ENPP3: variants seen among roughly 807,000 people sequenced by gnomAD.
ENPP3 encodes ectonucleotide pyrophosphatase/phosphodiesterase 3, also known as ectonucleotide pyrophosphatase/phosphodiesterase family member 3.
A neutral mutation model predicts 117.8 loss-of-function variants in ENPP3; 104 were observed. The ratio of observed to expected loss-of-function variants is 0.88; its 90% CI spans 0.75 to 1.04. The LOEUF (loss-of-function observed/expected upper bound fraction) is 1.04. Ranked by LOEUF, ENPP3 falls within the 50% of genes least tolerant of loss-of-function variation. ENPP3 has a pLI of 0.00. For synonymous variants in ENPP3, 380 were observed against 349.9 expected (o/e 1.09, Z -0.96); for missense variants, 1,026 against 1,051.9 (o/e 0.98, Z 0.34).
intron 2 of ENPP3, among the ~76,000 whole-genome samples, chr6:131,648,773 A>T (rs74496861): frequency 0.014 from 2,114 of 152,296 alleles, 44 homozygotes; most frequent in African/African-American, 0.046. Context: ...GGAATTATAG[A>T]TAATTTTCAA....
In ENPP3 at chr6:131,693,557, C is replaced by CA. The variant is rs1274315510; in HGVS notation, c.1346dup (p.His449GlnfsTer23). On this transcript the variant is annotated frameshift_variant, in exon 15 of 25. Coordinates refer to ENST00000357639, the MANE Select transcript of ENPP3 (RefSeq NM_005021.5). LOFTEE classifies it high-confidence loss of function. Reference sequence around the variant, plus strand: ...GACTCCTGATTTGCCAAAGCGACTGCACTATGCCAAGAACGTCAGAATCGA... The same window carrying CA: ...GACTCCTGATTTGCCAAAGCGACTGCAACTATGCCAAGAACGTCAGAATCGA... 6.2e-7 allele frequency: 1 copy of CA among 1,613,712 alleles called. No homozygotes were observed. Among genetic ancestry groups the CA allele is most frequent in the Non-Finnish European group, 8.5e-7 (1 of 1,179,836 alleles).
In ENPP3 at chr6:131,726,090, G is replaced by T; in HGVS notation, c.1843G>T (p.Val615Leu). Reference protein sequence around the residue: ...KVNLPFGRPRVLQKNVDHCLL... With the variant: ...KVNLPFGRPRLLQKNVDHCLL... ...AAATTTGCCATTTGGGAGGCCTAGG[G>T]TACTGCAGAAGAACGTGGACCACTG... Residue 615 changes from valine (V) to leucine (L), a missense_variant, in exon 20 of 25, where the codon GTA becomes TTA. Coordinates refer to ENST00000357639, the MANE Select transcript of ENPP3 (RefSeq NM_005021.5). The T allele has an allele frequency of 6.2e-7, 1 of 1,613,194 alleles. No individual in the cohort carries two copies.
At chr6:131,643,381 C>T (rs1778091620) in intron 2 of ENPP3, among the ~76,000 whole-genome samples, 1 of 152,182 alleles carries the variant, frequency 6.6e-6, no homozygotes, top group Non-Finnish European at 1.5e-5. Flanking sequence ...CCAGCTCTTT[C>T]ATTCACTTTA....
chr6:131,648,834 G>A (rs1219803683), intron 2 of ENPP3, among the ~76,000 whole-genome samples: 3 of 152,124 alleles, frequency 2.0e-5, no homozygotes, highest in Non-Finnish European at 4.4e-5. Flanking sequence ...CACACTCCTC[G>A]CACAATAAGA....
intron 18 of ENPP3, among the ~76,000 whole-genome samples, 169 bp downstream of exon 18, chr6:131,722,574 T>A (rs192896118): frequency 2.6e-5 from 4 of 152,232 alleles, no homozygotes; most frequent in African/African-American, 7.2e-5. Flanking sequence ...GAAGTGAGAA[T>A]GCATACATTG....
intron 20 of ENPP3, among the ~76,000 whole-genome samples, chr6:131,732,576 C>G (rs1339214163): frequency 6.6e-5 from 10 of 151,768 alleles, no homozygotes. Context: ...CCACACCTGG[C>G]TGATTTTTGT....
At chr6:131,743,237 T>C (rs1272140660) in intron 24 of ENPP3, among the ~76,000 whole-genome samples, 1 of 152,052 alleles carries the variant, frequency 6.6e-6, no homozygotes, top group Non-Finnish European at 1.5e-5. Context: ...TTGCTCTTGG[T>C]GGTCTTCAGT....
chr6:131,706,872 G>T (rs1198752606), intron 15 of ENPP3, among the ~76,000 whole-genome samples: 2 of 151,558 alleles, frequency 1.3e-5, no homozygotes, highest in South Asian at 4.2e-4. Flanking sequence ...ATATATATAT[G>T]TATATATGTG....
At chr6:131,647,020 C>T (rs1441536651) in intron 2 of ENPP3, among the ~76,000 whole-genome samples, 12 of 144,624 alleles carry the variant, frequency 8.3e-5, no homozygotes, top group East Asian at 6.1e-4. Flanking sequence ...ACTAAAGGCA[C>T]GTGCCACTGC....
chr6:131,688,093 A>G (rs1779192930), intron 14 of ENPP3, among the ~76,000 whole-genome samples: 1 of 152,004 alleles, frequency 6.6e-6, no homozygotes, highest in African/African-American at 2.4e-5. Context: ...AGTACTTCAA[A>G]TTTTTCATTA....
intron 5 of ENPP3, among the ~76,000 whole-genome samples, chr6:131,656,126 C>G (rs891710668): frequency 2.6e-5 from 4 of 152,110 alleles, no homozygotes; most frequent in Non-Finnish European, 5.9e-5. Flanking sequence ...TTAAACCAGA[C>G]AGATGTGAGC....
chr6:131,685,224 A>C (rs1365984138), intron 12 of ENPP3, 140 bp from the exon 13 acceptor site: 3 of 728,088 alleles, frequency 4.1e-6, no homozygotes, highest in Middle Eastern at 3.5e-4. Flanking sequence ...AGAGTAGAGT[A>C]ATAGGGTGAA....
intron 14 of ENPP3, among the ~76,000 whole-genome samples, chr6:131,686,323 C>A (rs1468590912): frequency 6.6e-6 from 1 of 152,066 alleles, no homozygotes; most frequent in African/African-American, 2.4e-5. Context: ...ATTGCAACTG[C>A]TTTCGATTGG....
chr6:131,719,924 AAAC>A (rs1185471350), intron 16 of ENPP3, among the ~76,000 whole-genome samples: 1 of 152,156 alleles, frequency 6.6e-6, no homozygotes, highest in African/African-American at 2.4e-5. Context: ...TAATGATATG[AAAC>A]AATATGAAAA....
At chr6:131,646,564 G>A (rs1286464680) in intron 2 of ENPP3, among the ~76,000 whole-genome samples, 1 of 151,966 alleles carries the variant, frequency 6.6e-6, no homozygotes, top group Non-Finnish European at 1.5e-5. Context: ...GGAGTGGGAG[G>A]CAGGGTGAGT....
Position 131,722,445 on chromosome 6 carries a change from G to T in ENPP3, c.1746+40G>T, listed in dbSNP as rs186836543. The T allele has an allele frequency of 1.6e-5, 25 of 1,564,738 alleles. 2 individuals carry two copies. The Middle Eastern group carries it at 1.5e-3, about 95-fold the overall frequency. ...CATGCATCCATAAGAACGTAAAGGG[G>T]CAAGCTATTCTTAACCTGGGTAGCT... On this transcript the variant is annotated intron_variant, in intron 18 of 24. Coordinates refer to ENST00000357639, the MANE Select transcript of ENPP3 (RefSeq NM_005021.5).
At chr6:131,686,424 A>G (rs778272492) in intron 14 of ENPP3, among the ~76,000 whole-genome samples, 6 of 152,248 alleles carry the variant, frequency 3.9e-5, no homozygotes, top group Non-Finnish European at 5.9e-5. Flanking sequence ...CTACTCCTGG[A>G]GAGACCTGGA....
At chr6:131,733,791 T>A in intron 21 of ENPP3, 68 bp downstream of exon 21, 2 of 1,525,750 alleles carry the variant, frequency 1.3e-6, no homozygotes, top group South Asian at 2.4e-5. Flanking sequence ...GGCATGTGCC[T>A]TAAACATATA....
Position 131,637,462 on chromosome 6 carries a change from TG to T in ENPP3, c.78+1del. 2 of 1,512,984 alleles carry T rather than the reference TG, an allele frequency of 1.3e-6. No homozygotes were observed. The highest frequency in any genetic ancestry group is 1.8e-6 in the Non-Finnish European group (2 of 1,101,226). The allele number at this position is 1,512,984 out of a possible 1,614,324, so 93.7% of individuals were successfully genotyped here. A position where few individuals can be genotyped will look rare whatever the true frequency, so the allele number is the denominator to read the frequency against. On this transcript the variant is annotated splice_donor_variant, in intron 1 of 24. Transcript: ENST00000357639. LOFTEE classifies it high-confidence loss of function. Reference sequence around the variant, plus strand: ...TTAAGAAATATAAAATAGCTTGCATTGTAAGTACAATTCTTATTTTTAGTCT... The same window carrying T: ...TTAAGAAATATAAAATAGCTTGCATTTAAGTACAATTCTTATTTTTAGTCT...
Sources: allele counts gnomAD v4.1 joint callset (sites outside exome capture counted in the v4.1 genomes callset), GRCh38; gene constraint gnomAD v4.1.1; transcripts MANE v1.5; gene names NCBI Gene and HGNC (gene_info 2026-07-23, HGNC 2026-07-21).